The following CHSY1 variants were observed in gnomAD, a reference collection of about 807,000 sequenced individuals.
The protein encoded by CHSY1 is N-acetylgalactosaminyl-proteoglycan 3-beta-glucuronosyltransferase 1.
In CHSY1, 13 loss-of-function variants were observed where a neutral mutation model predicts 59.8. The observed-to-expected ratio is 0.22, with a 90% CI of 0.14 to 0.35. The LOEUF is 0.35. Among genes scored for constraint, CHSY1 ranks in the 10% least tolerant of loss-of-function variants. CHSY1 has a pLI of 1.00. For missense variants in CHSY1, 947 were observed against 1,030.6 expected (o/e 0.92, Z 1.11); for synonymous variants, 459 against 401.2 (o/e 1.14, Z -1.72).
At chr15:101,205,696 A>C (rs2038617256) in intron 2 of CHSY1, among the ~76,000 whole-genome samples, 1 of 152,224 alleles carries the variant, frequency 6.6e-6, no homozygotes, top group African/African-American at 2.4e-5. Context: ...TCACACCTGT[A>C]ATCCCAGTAC....
At chr15:101,194,989 T>C (rs2038489320) in intron 2 of CHSY1, among the ~76,000 whole-genome samples, 2 of 152,340 alleles carry the variant, frequency 1.3e-5, no homozygotes, top group Admixed American at 6.5e-5. Flanking sequence ...GAGGGATTCA[T>C]GAATGAAAAG....
intron 2 of CHSY1, among the ~76,000 whole-genome samples, chr15:101,195,296 A>T (rs1410480774): frequency 6.6e-6 from 1 of 152,258 alleles, no homozygotes; most frequent in Non-Finnish European, 1.5e-5. Context: ...CCTGAGCAAT[A>T]ATCATATTTT....
chr15:101,226,040 A>C (rs992358661), intron 2 of CHSY1, among the ~76,000 whole-genome samples: 2 of 152,254 alleles, frequency 1.3e-5, no homozygotes, highest in Non-Finnish European at 2.9e-5. Context: ...CCAACAAAAT[A>C]ATCACAGATC....
intron 1 of CHSY1, among the ~76,000 whole-genome samples, chr15:101,249,087 G>C (rs994202059): frequency 2.0e-5 from 3 of 151,862 alleles, no homozygotes; most frequent in African/African-American, 7.3e-5. Context: ...ACAGGCGTGA[G>C]CCACCGCGCC....
At chr15:101,232,509 G>A (rs1023334249) in intron 2 of CHSY1, among the ~76,000 whole-genome samples, 6 of 152,294 alleles carry the variant, frequency 3.9e-5, no homozygotes, top group African/African-American at 4.8e-5. Flanking sequence ...AGAACTACAC[G>A]TGAAAGGGAA....
chr15:101,220,618 T>TGAGCA (rs2038779119), intron 2 of CHSY1, among the ~76,000 whole-genome samples: 1 of 152,162 alleles, frequency 6.6e-6, no homozygotes, highest in Non-Finnish European at 1.5e-5. Context: ...TGCCTCTCCA[T>TGAGCA]GAGCAGAGCA....
intron 2 of CHSY1, among the ~76,000 whole-genome samples, chr15:101,228,394 T>C (rs763786479): frequency 6.6e-6 from 1 of 152,066 alleles, no homozygotes; most frequent in Non-Finnish European, 1.5e-5. Flanking sequence ...ACTCCAAGTA[T>C]GATAAACTCA....
chr15:101,179,492 A>G (rs1042445310), intron 2 of CHSY1, among the ~76,000 whole-genome samples: 1 of 152,210 alleles, frequency 6.6e-6, no homozygotes, highest in Non-Finnish European at 1.5e-5. Flanking sequence ...GGGAAAGCCT[A>G]TCAGAGGCAG....
At chr15:101,200,616 A>G (rs566141964) in intron 2 of CHSY1, among the ~76,000 whole-genome samples, 48 of 152,290 alleles carry the variant, frequency 3.2e-4, no homozygotes, top group African/African-American at 9.1e-4. Context: ...GTCAGGGACC[A>G]GACTCTTCCA....
intron 1 of CHSY1, among the ~76,000 whole-genome samples, chr15:101,243,981 C>T (rs1484407296): frequency 6.6e-6 from 1 of 152,132 alleles, no homozygotes; most frequent in East Asian, 1.9e-4. Flanking sequence ...GTCAATAATC[C>T]TCAGGCTTTT....
At chr15:101,221,695 T>A (rs2038790525) in intron 2 of CHSY1, among the ~76,000 whole-genome samples, 2 of 152,174 alleles carry the variant, frequency 1.3e-5, no homozygotes, top group Admixed American at 1.3e-4. Flanking sequence ...ATAAACCACA[T>A]CATTTTAAAT....
rs1409748320 is a variant in CHSY1, at chr15:101,251,525, C to G, written c.-69G>C. The stretch of plus-strand genomic sequence containing the variant: ...GCGCCCTCAGCCCGCTGCCCCCGCC[C>G]GCGGAGGCCAGCCCGCCCTAGCGCC... On this transcript the variant is annotated 5_prime_UTR_variant, in exon 1 of 3. Coordinates refer to ENST00000254190, the MANE Select transcript of CHSY1 (RefSeq NM_014918.5). The G allele has an allele frequency of 1.5e-5, 5 of 326,146 alleles. No individual in the cohort carries two copies. Among genetic ancestry groups the G allele is most frequent in the Admixed American group, 6.9e-5 (1 of 14,506 alleles). The allele number at this position is 326,146 out of a possible 1,614,324, so 20.2% of individuals were successfully genotyped here.
At chr15:101,187,468 G>C (rs1253433045) in intron 2 of CHSY1, 2 of 151,936 alleles carry the variant, frequency 1.3e-5, no homozygotes, top group African/African-American at 4.8e-5. Flanking sequence ...AACAGAGCAG[G>C]ACTCCATCTC....
intron 1 of CHSY1, among the ~76,000 whole-genome samples, chr15:101,236,088 A>G (rs1459925869): frequency 6.6e-6 from 1 of 152,200 alleles, no homozygotes; most frequent in Non-Finnish European, 1.5e-5. Context: ...ACTAATGTAT[A>G]TATTATTATG....
intron 2 of CHSY1, chr15:101,188,249 T>C: frequency 1.1e-6 from 1 of 942,962 alleles, no homozygotes; most frequent in Non-Finnish European, 1.3e-6. Flanking sequence ...AAGTAAGCGT[T>C]GTCTAAATGT....
chr15:101,191,251 T>C (rs894519515), intron 2 of CHSY1, among the ~76,000 whole-genome samples: 36 of 152,136 alleles, frequency 2.4e-4, no homozygotes, highest in African/African-American at 8.0e-4. Flanking sequence ...AAATGAACTA[T>C]CAAATCATGA....
At chr15:101,216,190 G>A (rs998579003) in intron 2 of CHSY1, among the ~76,000 whole-genome samples, 3 of 140,620 alleles carry the variant, frequency 2.1e-5, no homozygotes, top group Non-Finnish European at 4.5e-5. Context: ...AAACAAAAAT[G>A]AGACACCGCT....
rs1298969301 is a variant in CHSY1 at position 101,235,260 on chromosome 15, T to C, written c.638A>G (p.Glu213Gly). ...TTEEMGKLAL[E>G]PGENFCMGGP... Reference sequence around the variant, plus strand: ...CCCCATGCAGAAGTTCTCACCAGGCTCCAGGGCCAGTTTTCCCATTTCTTC... The same window carrying C: ...CCCCATGCAGAAGTTCTCACCAGGCCCCAGGGCCAGTTTTCCCATTTCTTC... The change falls in exon 2 of 3, where the codon GAG (glutamate) becomes GGG (glycine). Residue 213 changes from glutamate to glycine, a missense_variant. By Grantham distance (98) the Glu-to-Gly change is moderately conservative. Coordinates refer to ENST00000254190, the MANE Select transcript of CHSY1 (RefSeq NM_014918.5). 3 of 1,614,018 alleles carry C rather than the reference T, an allele frequency of 1.9e-6. No homozygotes were observed. Among genetic ancestry groups the C allele is most frequent in the Non-Finnish European group, 2.5e-6 (3 of 1,180,028 alleles).
intron 2 of CHSY1, among the ~76,000 whole-genome samples, chr15:101,182,592 A>G (rs1221066174): frequency 6.6e-6 from 1 of 152,214 alleles, no homozygotes; most frequent in Non-Finnish European, 1.5e-5. Flanking sequence ...GATAATGGGG[A>G]AATGGAAATT....
Sources: gnomAD v4.1 joint callset for allele counts (sites outside exome capture counted in the v4.1 genomes callset) on GRCh38, gnomAD v4.1.1 for gene constraint, MANE v1.5 for transcripts, NCBI Gene and HGNC (gene_info 2026-07-23, HGNC 2026-07-21) for gene names.